Variants in FAT3 observed in about 807,000 individuals in gnomAD.
FAT3 encodes protocadherin Fat 3.
Under a neutral mutation model 310.2 loss-of-function variants are expected in FAT3, and 95 were observed. That is an observed-to-expected ratio of 0.31 (90% CI 0.26 to 0.36). FAT3 has a LOEUF of 0.36. Among genes scored for constraint, FAT3 ranks in the 10% least tolerant of loss-of-function variants. FAT3 has a pLI of 1.00. For synonymous variants in FAT3, 2,314 were observed against 2,192.9 expected (o/e 1.06, Z -1.54); for missense variants, 5,408 against 5,715.6 (o/e 0.95, Z 1.74).
At chr11:92,432,116 C>T (rs567078990) in intron 2 of FAT3, among the ~76,000 whole-genome samples, 2 of 152,258 alleles carry the variant, frequency 1.3e-5, no homozygotes, top group East Asian at 1.9e-4. Context: ...AATATTGATT[C>T]TTCCTACCCA....
At chr11:92,794,610 T>C (rs1310519090) in intron 9 of FAT3, among the ~76,000 whole-genome samples, 1 of 152,222 alleles carries the variant, frequency 6.6e-6, no homozygotes, top group East Asian at 1.9e-4. Flanking sequence ...TCTTTTGACC[T>C]CTACAGACTA....
At chr11:92,746,966 A>G (rs1169333763) in intron 4 of FAT3, among the ~76,000 whole-genome samples, 1 of 152,074 alleles carries the variant, frequency 6.6e-6, no homozygotes, top group Non-Finnish European at 1.5e-5. Context: ...GACTGCTTTC[A>G]TGGACTGACA....
intron 22 of FAT3, among the ~76,000 whole-genome samples, chr11:92,873,768 C>G (rs1949451780): frequency 6.6e-6 from 1 of 152,196 alleles, no homozygotes; most frequent in South Asian, 2.1e-4. Context: ...TAAACAGAAA[C>G]ACAGCTTTGA....
intron 3 of FAT3, among the ~76,000 whole-genome samples, chr11:92,642,256 C>A (rs1435410063): frequency 6.6e-6 from 1 of 152,212 alleles, no homozygotes; most frequent in Non-Finnish European, 1.5e-5. Context: ...GCTGTGATTG[C>A]CTTTGGGTTC....
At chr11:92,488,276 G>T (rs1387785301) in intron 2 of FAT3, among the ~76,000 whole-genome samples, 1 of 152,098 alleles carries the variant, frequency 6.6e-6, no homozygotes, top group Non-Finnish European at 1.5e-5. Context: ...ACTTCCAGAA[G>T]AGAACACAGC....
At position 92,375,040 on chromosome 11, in the gene FAT3, T is replaced by C. The variant is rs539596896; in HGVS notation, c.3292+19636T>C. ...GTATGCTGACCTGTTTAATAAAACA[T>C]GCGCACACACACACACACCATACCT... On this transcript the variant is annotated intron_variant, in intron 2 of 27. Transcript: ENST00000525166. Among the ~76,000 whole-genome samples, 26 of 152,152 alleles carry C rather than the reference T, an allele frequency of 1.7e-4. No homozygotes were observed. The South Asian group carries it at 5.4e-3, about 32-fold the overall frequency.
At chr11:92,642,999 T>G (rs549286) in intron 3 of FAT3, among the ~76,000 whole-genome samples, 73,785 of 151,960 alleles carry the variant, frequency 0.49, 18,142 homozygotes, top group African/African-American at 0.5. Context: ...AATGAATAAA[T>G]GAAGCAGAAT....
At chr11:92,444,585 A>G (rs1007618551) in intron 2 of FAT3, among the ~76,000 whole-genome samples, 3 of 150,208 alleles carry the variant, frequency 2.0e-5, no homozygotes, top group African/African-American at 7.3e-5. Flanking sequence ...TTTAGAGTCC[A>G]TCTCAGACGT....
intron 10 of FAT3, among the ~76,000 whole-genome samples, chr11:92,803,159 G>T (rs1565610655): frequency 6.6e-6 from 1 of 152,054 alleles, no homozygotes; most frequent in Non-Finnish European, 1.5e-5. Flanking sequence ...ATTCTGAAGG[G>T]TCCTTTTCTA....
At chr11:92,488,470 A>G (rs1295875141) in intron 2 of FAT3, among the ~76,000 whole-genome samples, 2 of 8,506 alleles carry the variant, frequency 2.4e-4, no homozygotes, top group African/African-American at 8.3e-4. Flanking sequence ...CCGCCCCCCA[A>G]CCAGCCCTGA....
chr11:92,744,815 C>T (rs1474597473), intron 4 of FAT3, among the ~76,000 whole-genome samples: 1 of 152,186 alleles, frequency 6.6e-6, no homozygotes, highest in African/African-American at 2.4e-5. Flanking sequence ...GCCACCAGTT[C>T]ATGATCTCTA....
intron 2 of FAT3, among the ~76,000 whole-genome samples, chr11:92,422,963 C>A (rs1421663839): frequency 6.6e-6 from 1 of 152,102 alleles, no homozygotes; most frequent in South Asian, 2.1e-4. Flanking sequence ...CATTCTTCCC[C>A]CTTCTCTATG....
At chr11:92,690,158 G>C (rs1005295074) in intron 3 of FAT3, among the ~76,000 whole-genome samples, 4 of 152,136 alleles carry the variant, frequency 2.6e-5, no homozygotes, top group African/African-American at 7.2e-5. Context: ...ATACTGCCTG[G>C]GATTTCCCTG....
rs1947302433 is a variant in FAT3 at position 92,800,350 on chromosome 11, G to A, written c.7337G>A (p.Ser2446Asn). Residue 2446 changes from serine to asparagine, a missense_variant, in exon 10 of 28, where the codon AGC becomes AAC. Ser to Asn is a conservative substitution (Grantham distance 46). Around this residue, in one of 5 missense-constraint regions of FAT3, gnomAD observed 4,588 missense variants for 4,809.8 expected, o/e 0.95. Coordinates refer to ENST00000525166, the MANE Select transcript of FAT3 (RefSeq NM_001367949.2). ...GACCGGACGAGCTTTCTGATGGACA[G>A]CAAGAGTGGAGTTATCACATTGTCC... ...GNDRTSFLMDSKSGVITLSNH... is the reference protein window; with the variant it reads ...GNDRTSFLMDNKSGVITLSNH... The A allele has an allele frequency of 6.2e-7, 1 of 1,613,884 alleles. No homozygotes were observed. The highest frequency in any genetic ancestry group is 8.5e-7 in the Non-Finnish European group (1 of 1,179,898).
intron 1 of FAT3, among the ~76,000 whole-genome samples, chr11:92,262,371 A>G (rs929621396): frequency 5.9e-5 from 9 of 152,096 alleles, no homozygotes; most frequent in African/African-American, 1.9e-4. Flanking sequence ...GAAAGAGCAA[A>G]TGTGTAGTCA....
chr11:92,377,369 C>T (rs1220450266), intron 2 of FAT3, among the ~76,000 whole-genome samples: 1 of 152,088 alleles, frequency 6.6e-6, no homozygotes, highest in Admixed American at 6.6e-5. Flanking sequence ...TTCACAAATA[C>T]CCAGGAAATA....
At chr11:92,492,387 CCTCT>C (rs1047548006) in intron 2 of FAT3, among the ~76,000 whole-genome samples, 8 of 151,928 alleles carry the variant, frequency 5.3e-5, no homozygotes, top group African/African-American at 1.9e-4. Flanking sequence ...AATGCTTTAA[CCTCT>C]CTAAGATGCA....
rs181009216 is a variant in FAT3, at chr11:92,305,198, C to T, written c.-17-46898C>T. On this transcript the variant is annotated intron_variant, in intron 1 of 27. Transcript: ENST00000525166. ...GAAGACCTTGGAGTTTTCACATTCT[C>T]AAAAAATAGGTGGCACTGAGAGGTC... is the stretch of plus-strand genomic sequence containing the variant. Among the ~76,000 whole-genome samples, 4 of 152,084 alleles carry T rather than the reference C, an allele frequency of 2.6e-5. No homozygotes were observed. The East Asian group carries it at 7.8e-4, about 30-fold the overall frequency.
chr11:92,889,134 C>T (rs1483752916), intron 25 of FAT3, 55 bp from the exon 26 acceptor site: 2 of 681,608 alleles, frequency 2.9e-6, no homozygotes, highest in Non-Finnish European at 5.4e-6. Flanking sequence ...TTAAAATATA[C>T]AACTAACCTG....
Sources: allele counts gnomAD v4.1 joint callset (sites outside exome capture counted in the v4.1 genomes callset), GRCh38; gene constraint gnomAD v4.1.1; regional missense constraint gnomAD v4.1.1; transcripts MANE v1.5; gene names NCBI Gene and HGNC (gene_info 2026-07-23, HGNC 2026-07-21).